Variants in FAM227B observed in about 807,000 individuals in gnomAD.
FAM227B encodes the protein protein FAM227B.
FAM227B carries 88 observed loss-of-function variants against 73.8 expected under a neutral mutation model. That is an observed-to-expected ratio of 1.19 (90% CI 1.00 to 1.42). FAM227B has a LOEUF of 1.42. Ranked by LOEUF, FAM227B falls within the 40% of genes most tolerant of loss-of-function variation. FAM227B has a pLI of 0.00. For missense variants in FAM227B, 632 were observed against 590.9 expected (o/e 1.07, Z -0.72); for synonymous variants, 210 against 190.5 (o/e 1.10, Z -0.84).
intron 9 of FAM227B, among the ~76,000 whole-genome samples, chr15:49,552,682 G>C (rs182276629): frequency 1.5e-3 from 220 of 150,882 alleles, no homozygotes; most frequent in African/African-American, 5.3e-3. Context: ...TTTTTCTTTT[G>C]ATTTCCTTGT....
intron 9 of FAM227B, among the ~76,000 whole-genome samples, chr15:49,546,120 C>T (rs563709720): frequency 6.6e-6 from 1 of 152,194 alleles, no homozygotes; most frequent in South Asian, 2.1e-4. Context: ...CCCCTCACCC[C>T]ACAACAGGCC....
chr15:49,545,626 T>C (rs909984791), intron 9 of FAM227B, among the ~76,000 whole-genome samples: 1 of 152,190 alleles, frequency 6.6e-6, no homozygotes, highest in African/African-American at 2.4e-5. Flanking sequence ...TATAGACATT[T>C]AATGCTATGA....
chr15:49,391,059 T>C (rs879271929), intron 11 of FAM227B, among the ~76,000 whole-genome samples: 1 of 152,098 alleles, frequency 6.6e-6, no homozygotes, highest in Non-Finnish European at 1.5e-5. Context: ...ACTTTTTCAT[T>C]TGTAAAAGTG....
At chr15:49,544,805 T>C (rs1401700937) in intron 9 of FAM227B, among the ~76,000 whole-genome samples, 1 of 152,234 alleles carries the variant, frequency 6.6e-6, no homozygotes. Context: ...TCACATTTAT[T>C]GACATATTGA....
intron 10 of FAM227B, among the ~76,000 whole-genome samples, chr15:49,519,882 C>T (rs1352168486): frequency 1.3e-5 from 2 of 152,138 alleles, no homozygotes; most frequent in Non-Finnish European, 2.9e-5. Context: ...TCTTTTCCGT[C>T]GCATTATTGG....
intron 13 of FAM227B, among the ~76,000 whole-genome samples, chr15:49,353,096 C>G (rs1287673218): frequency 1.3e-5 from 2 of 152,162 alleles, no homozygotes; most frequent in Non-Finnish European, 2.9e-5. Context: ...AGAACGTCAT[C>G]ATTTCAGGGA....
chr15:49,424,130 T>C (rs2049921489), intron 11 of FAM227B: 2 of 558,228 alleles, frequency 3.6e-6, no homozygotes, highest in Non-Finnish European at 6.3e-6. Flanking sequence ...TCCTGTGTTG[T>C]TATCAGGAAC....
At chr15:49,604,461 G>T (rs2077388313) in intron 3 of FAM227B, among the ~76,000 whole-genome samples, 1 of 151,502 alleles carries the variant, frequency 6.6e-6, no homozygotes. Flanking sequence ...CTTTCTTCTT[G>T]CTGCTTTCAA....
chr15:49,425,929 ACTT>A (rs1374492312), intron 11 of FAM227B, among the ~76,000 whole-genome samples: 3 of 151,612 alleles, frequency 2.0e-5, no homozygotes, highest in Admixed American at 6.6e-5. Context: ...TTTGATATCT[ACTT>A]CTATATAAGC....
chr15:49,346,183 T>C (rs2041477323), intron 13 of FAM227B, among the ~76,000 whole-genome samples: 1 of 152,180 alleles, frequency 6.6e-6, no homozygotes, highest in East Asian at 1.9e-4. Context: ...TTTCAGAAAC[T>C]TGGGCCAGCT....
intron 11 of FAM227B, among the ~76,000 whole-genome samples, chr15:49,399,840 G>T (rs2047995345): frequency 9.9e-6 from 1 of 100,636 alleles, no homozygotes; most frequent in Non-Finnish European, 2.2e-5. Flanking sequence ...GGTATTGATG[G>T]GACGTATTTC....
chr15:49,608,555 T>C (rs2077675354), intron 3 of FAM227B, among the ~76,000 whole-genome samples: 1 of 152,078 alleles, frequency 6.6e-6, no homozygotes, highest in Non-Finnish European at 1.5e-5. Flanking sequence ...TATTTAGCTC[T>C]TTTTCCTTTA....
intron 12 of FAM227B, 131 bp downstream of exon 12, chr15:49,371,171 C>T: frequency 2.2e-6 from 1 of 460,278 alleles, no homozygotes; most frequent in East Asian, 3.5e-5. Context: ...CTCTTTTGAC[C>T]ATTAAATTCT....
intron 11 of FAM227B, among the ~76,000 whole-genome samples, chr15:49,469,033 A>G (rs1385252391): frequency 6.6e-6 from 1 of 152,220 alleles, no homozygotes; most frequent in Non-Finnish European, 1.5e-5. Flanking sequence ...ATGTATATGT[A>G]TATATCTTAC....
chr15:49,390,338 A>G (rs1035816691), intron 11 of FAM227B, among the ~76,000 whole-genome samples: 2 of 152,046 alleles, frequency 1.3e-5, no homozygotes, highest in Admixed American at 6.6e-5. Context: ...TGTCAGCATA[A>G]GCCACTAAGA....
chr15:49,474,884 C>T (rs1329151001), intron 11 of FAM227B, among the ~76,000 whole-genome samples: 1 of 152,180 alleles, frequency 6.6e-6, no homozygotes, highest in Non-Finnish European at 1.5e-5. Flanking sequence ...TGAACCTCCC[C>T]CCGGCTCCCG....
chr15:49,363,650 C>A (rs940530661), intron 13 of FAM227B, among the ~76,000 whole-genome samples: 1 of 152,136 alleles, frequency 6.6e-6, no homozygotes, highest in East Asian at 1.9e-4. Context: ...GCCAGGACTT[C>A]CAATACTATG....
intron 11 of FAM227B, among the ~76,000 whole-genome samples, chr15:49,414,022 CAG>C (rs2049045618): frequency 6.6e-6 from 1 of 151,892 alleles, no homozygotes; most frequent in Non-Finnish European, 1.5e-5. Flanking sequence ...AAATAGCCAT[CAG>C]AGTTATTTTT....
chr15:49,431,608 G>A lies in FAM227B; in HGVS notation c.1013-60209C>T, dbSNP rs1298885242. On this transcript the variant is annotated intron_variant, in intron 11 of 15. Coordinates refer to ENST00000299338, the MANE Select transcript of FAM227B (RefSeq NM_152647.3). ...TTGCTTAACTTCCCTCCAGAAGAAAGTAATCTCTTCTACTGGAGTGGTCAT... is the reference window on the plus strand; with the variant it reads ...TTGCTTAACTTCCCTCCAGAAGAAAATAATCTCTTCTACTGGAGTGGTCAT... Among the ~76,000 whole-genome samples the A allele has an allele frequency of 4.6e-5, 7 of 151,672 alleles. No homozygotes were observed. The East Asian group carries it at 1.4e-3, about 29-fold the overall frequency.
Sources: gnomAD v4.1 joint callset for allele counts (sites outside exome capture counted in the v4.1 genomes callset) on GRCh38, gnomAD v4.1.1 for gene constraint, MANE v1.5 for transcripts, NCBI Gene and HGNC (gene_info 2026-07-23, HGNC 2026-07-21) for gene names.